The following SGCE variants were observed in gnomAD, a reference collection of about 807,000 sequenced individuals.
SGCE encodes the protein epsilon-sarcoglycan.
SGCE carries 26 observed loss-of-function variants against 57.8 expected under a neutral mutation model. The ratio of observed to expected loss-of-function variants is 0.45; its 90% CI spans 0.33 to 0.62. The LOEUF (loss-of-function observed/expected upper bound fraction) is 0.62. SGCE is among the 20% of genes least tolerant of loss of function. The pLI, the probability that SGCE is intolerant of heterozygous loss-of-function variation, is 0.02. For synonymous variants in SGCE, 183 were observed against 189.5 expected (o/e 0.97, Z 0.28); for missense variants, 468 against 548.6 (o/e 0.85, Z 1.47).
chr7:94,652,046 G>C (rs977186686), intron 1 of SGCE, among the ~76,000 whole-genome samples: 2 of 152,040 alleles, frequency 1.3e-5, no homozygotes, highest in African/African-American at 2.4e-5. Context: ...AGCCTGAATG[G>C]AGTGTGCGTT....
At chr7:94,610,534 T>A (rs1800853359) in intron 5 of SGCE, among the ~76,000 whole-genome samples, 1 of 152,142 alleles carries the variant, frequency 6.6e-6, no homozygotes, top group Non-Finnish European at 1.5e-5. Context: ...AATCAAAGAC[T>A]TTAAGAGCTA....
At chr7:94,594,769 T>C (rs963236919) in intron 9 of SGCE, among the ~76,000 whole-genome samples, 1 of 152,130 alleles carries the variant, frequency 6.6e-6, no homozygotes, top group African/African-American at 2.4e-5. Context: ...AATAAAAAGT[T>C]TATTAAAGAA....
At chr7:94,614,130 A>AC (rs1183807195) in intron 5 of SGCE, among the ~76,000 whole-genome samples, 3 of 150,486 alleles carry the variant, frequency 2.0e-5, no homozygotes, top group African/African-American at 7.3e-5. Flanking sequence ...AAAAAAAAAA[A>AC]CACAGTAAAT....
chr7:94,586,060 T>TAAAAAA (rs1796844570), intron 10 of SGCE, among the ~76,000 whole-genome samples: 1 of 5,940 alleles, frequency 1.7e-4, no homozygotes, highest in Non-Finnish European at 3.7e-4. Context: ...AGGAACTAAA[T>TAAAAAA]GAAAAAAAAA....
chr7:94,614,106 TCAAAAAAAAAA>T (rs1562832995), intron 5 of SGCE, among the ~76,000 whole-genome samples: 2 of 55,172 alleles, frequency 3.6e-5, no homozygotes, highest in South Asian at 1.4e-3. Flanking sequence ...CAAATTGAAA[TCAAAAAAAAAA>T]AAAAAAAAAA....
chr7:94,639,410 C>T, intron 1 of SGCE: 1 of 1,535,370 alleles, frequency 6.5e-7, no homozygotes, highest in Non-Finnish European at 8.7e-7. Flanking sequence ...TTCCAGTTAA[C>T]TGTTCCATTT....
intron 1 of SGCE, among the ~76,000 whole-genome samples, chr7:94,652,910 G>C (rs1423336343): frequency 2.0e-5 from 3 of 152,084 alleles, no homozygotes; most frequent in Non-Finnish European, 4.4e-5. Flanking sequence ...TGTCCAAATA[G>C]AAAGTCCAGT....
intron 1 of SGCE, among the ~76,000 whole-genome samples, chr7:94,649,891 G>A (rs1331229886): frequency 6.6e-6 from 1 of 152,140 alleles, no homozygotes; most frequent in Non-Finnish European, 1.5e-5. Flanking sequence ...TTCTTAGTTT[G>A]CAAGAACTAA....
chr7:94,626,650 T>G (rs1176623853), intron 3 of SGCE: 1 of 152,016 alleles, frequency 6.6e-6, no homozygotes, highest in African/African-American at 2.4e-5. Context: ...GGTTTCCATT[T>G]CTTCTTTTTA....
intron 1 of SGCE, among the ~76,000 whole-genome samples, chr7:94,645,549 T>TA (rs1267103601): frequency 6.6e-6 from 1 of 152,104 alleles, no homozygotes; most frequent in Non-Finnish European, 1.5e-5. Flanking sequence ...CAGAAGAAGC[T>TA]AAAAAAATTA....
At chr7:94,629,527 T>A (rs961591139) in intron 2 of SGCE, 192 bp downstream of exon 2, 1 of 557,682 alleles carries the variant, frequency 1.8e-6, no homozygotes, top group African/African-American at 1.9e-5. Context: ...TTCCTTAACA[T>A]TCAAAAATAA....
At chr7:94,625,579 T>C (rs546367621) in intron 3 of SGCE, 3 of 152,262 alleles carry the variant, frequency 2.0e-5, no homozygotes, top group South Asian at 4.1e-4. Flanking sequence ...TTATTATAAT[T>C]GCATGAATGC....
chr7:94,630,840 A>G (rs1804586435), intron 1 of SGCE, among the ~76,000 whole-genome samples: 2 of 151,938 alleles, frequency 1.3e-5, no homozygotes, highest in South Asian at 4.1e-4. Context: ...ATGAACCACA[A>G]GGCTGCTCAC....
intron 1 of SGCE, among the ~76,000 whole-genome samples, chr7:94,630,864 C>G (rs909100447): frequency 6.6e-6 from 1 of 151,926 alleles, no homozygotes; most frequent in African/African-American, 2.4e-5. Flanking sequence ...AAGCTCACAA[C>G]TTACTAAAAG....
intron 4 of SGCE, chr7:94,621,813 A>G (rs1562849461): frequency 6.6e-6 from 1 of 152,240 alleles, no homozygotes; most frequent in Non-Finnish European, 1.5e-5. Context: ...TGTAGTCAAG[A>G]ACAAAAATCT....
intron 10 of SGCE, 51 bp from the exon 11 acceptor site, chr7:94,585,566 CTT>C (rs745540171): frequency 3.8e-6 from 5 of 1,310,924 alleles, no homozygotes; most frequent in Non-Finnish European, 5.5e-6. Flanking sequence ...GGCATGGATA[CTT>C]TTAGATTTTG....
At chr7:94,589,099 T>G (rs1797295450) in intron 9 of SGCE, 1 of 283,216 alleles carries the variant, frequency 3.5e-6, no homozygotes, top group Non-Finnish European at 6.9e-6. Context: ...TGGCTTGTGC[T>G]CTTAACCTAT....
chr7:94,588,358 T>A (rs1304928914), intron 10 of SGCE: 2 of 1,128,662 alleles, frequency 1.8e-6, no homozygotes, highest in Non-Finnish European at 2.2e-6. Flanking sequence ...AGACAAATCC[T>A]GGATGCATCC....
chr7:94,652,312 T>G (rs2117108934), intron 1 of SGCE, among the ~76,000 whole-genome samples: 1 of 152,184 alleles, frequency 6.6e-6, no homozygotes, highest in South Asian at 2.1e-4. Context: ...AGGGTAAGTT[T>G]TAAGGAAAGG....
Sources: allele counts gnomAD v4.1 joint callset (sites outside exome capture counted in the v4.1 genomes callset), GRCh38; gene constraint gnomAD v4.1.1; transcripts MANE v1.5; gene names NCBI Gene and HGNC (gene_info 2026-07-23, HGNC 2026-07-21).